ZNF536: variants seen among roughly 807,000 people sequenced by gnomAD.
The protein encoded by ZNF536 is zinc finger protein 536.
A neutral mutation model predicts 84.5 loss-of-function variants in ZNF536; 13 were observed. That is an observed-to-expected ratio of 0.15 (90% CI 0.10 to 0.24). The LOEUF (loss-of-function observed/expected upper bound fraction) is 0.24, where lower values mean the gene tolerates loss of function less well. ZNF536 is among the 10% of genes least tolerant of loss of function. ZNF536 has a pLI of 1.00. For synonymous variants in ZNF536, 811 were observed against 742.5 expected (o/e 1.09, Z -1.50); for missense variants, 1,536 against 1,747.5 (o/e 0.88, Z 2.16).
intron 2 of ZNF536, among the ~76,000 whole-genome samples, chr19:30,522,938 C>T (rs1249518977): frequency 6.6e-6 from 1 of 152,192 alleles, no homozygotes; most frequent in East Asian, 1.9e-4. Flanking sequence ...TAACGACCTG[C>T]CGCTTCATCT....
intron 2 of ZNF536, among the ~76,000 whole-genome samples, chr19:30,456,268 A>G (rs1208805371): frequency 1.3e-5 from 2 of 151,078 alleles, no homozygotes; most frequent in Non-Finnish European, 2.9e-5. Context: ...AAAATGGTTT[A>G]GCCAATCTCT....
intron 1 of ZNF536, among the ~76,000 whole-genome samples, chr19:30,267,326 G>A (rs2025566274): frequency 6.6e-6 from 1 of 152,120 alleles, no homozygotes; most frequent in South Asian, 2.1e-4. Flanking sequence ...GAAAATATAT[G>A]TAACAGTGTG....
intron 1 of ZNF536, among the ~76,000 whole-genome samples, chr19:30,277,813 C>T (rs1263621469): frequency 6.6e-6 from 1 of 152,214 alleles, no homozygotes; most frequent in African/African-American, 2.4e-5. Context: ...CTCTTTGAGA[C>T]ACATTGTGGC....
chr19:30,255,308 T>C (rs2024853250), intron 1 of ZNF536, among the ~76,000 whole-genome samples: 1 of 152,168 alleles, frequency 6.6e-6, no homozygotes, highest in African/African-American at 2.4e-5. Flanking sequence ...GCTTGGGCGC[T>C]AAAACCTGAC....
At chr19:30,402,300 C>A (rs1206541027) in intron 1 of ZNF536, among the ~76,000 whole-genome samples, 1 of 151,082 alleles carries the variant, frequency 6.6e-6, no homozygotes, top group African/African-American at 2.4e-5. Context: ...ATCTGTTATG[C>A]AAAATCATTA....
At chr19:30,527,442 A>G (rs1413252760) in intron 2 of ZNF536, among the ~76,000 whole-genome samples, 1 of 151,716 alleles carries the variant, frequency 6.6e-6, no homozygotes, top group African/African-American at 2.4e-5. Context: ...GTTGGTAATA[A>G]CCCACGAGCA....
chr19:30,469,710 G>A (rs948189769), intron 2 of ZNF536, among the ~76,000 whole-genome samples: 1 of 152,112 alleles, frequency 6.6e-6, no homozygotes, highest in Non-Finnish European at 1.5e-5. Flanking sequence ...CTCTGGGGAC[G>A]CTCAGCCTGG....
At chr19:30,394,563 C>T (rs1226336454) in intron 1 of ZNF536, among the ~76,000 whole-genome samples, 1 of 152,188 alleles carries the variant, frequency 6.6e-6, no homozygotes, top group Non-Finnish European at 1.5e-5. Flanking sequence ...GTCCCTTCCC[C>T]ATTCTATGCA....
chr19:30,344,675 C>T (rs1484494497), intron 2 of ZNF536, among the ~76,000 whole-genome samples: 1 of 90,152 alleles, frequency 1.1e-5, no homozygotes, highest in Admixed American at 1.2e-4. Flanking sequence ...GCAGGCAGGC[C>T]ATTTTTTTTT....
At chr19:30,373,797 G>A (rs558977448) in intron 1 of ZNF536, among the ~76,000 whole-genome samples, 1 of 152,332 alleles carries the variant, frequency 6.6e-6, no homozygotes, top group African/African-American at 2.4e-5. Context: ...AACTTAATCA[G>A]ATGCCGAGGA....
chr19:30,317,019 C>T (rs1212079294), intron 2 of ZNF536, among the ~76,000 whole-genome samples: 1 of 152,222 alleles, frequency 6.6e-6, no homozygotes, highest in Non-Finnish European at 1.5e-5. Flanking sequence ...TTGGCAAGGC[C>T]TCCCTTTGCT....
At chr19:30,632,400 G>C (rs1029563390) in intron 1 of ZNF536, among the ~76,000 whole-genome samples, 1 of 152,176 alleles carries the variant, frequency 6.6e-6, no homozygotes, top group African/African-American at 2.4e-5. Context: ...GAGGTCTGGA[G>C]TTCGAGATCA....
chr19:30,246,617 G>A (rs190162863), intron 1 of ZNF536, among the ~76,000 whole-genome samples: 313 of 152,244 alleles, frequency 2.1e-3, no homozygotes, highest in Non-Finnish European at 3.4e-3. Flanking sequence ...GAGGGTGGGC[G>A]GTTTGGGATG....
intron 2 of ZNF536, among the ~76,000 whole-genome samples, chr19:30,478,175 A>G (rs976775687): frequency 2.1e-5 from 3 of 142,416 alleles, no homozygotes; most frequent in South Asian, 4.5e-4. Context: ...TTTTTTTTCC[A>G]GGATAAAGTT....
At chr19:30,557,105 C>G (rs2146369195) in intron 4 of ZNF536, 52 bp from the exon 5 acceptor site, 2 of 1,610,508 alleles carry the variant, frequency 1.2e-6, no homozygotes, top group Non-Finnish European at 1.7e-6. Flanking sequence ...TCAAATGCCT[C>G]TAGCCCTGAT....
chr19:30,501,076 G>T (rs2054932176), intron 2 of ZNF536, among the ~76,000 whole-genome samples: 1 of 152,134 alleles, frequency 6.6e-6, no homozygotes, highest in Non-Finnish European at 1.5e-5. Flanking sequence ...TACAAAGTGG[G>T]TATCAGGGGC....
At chr19:30,309,200 C>T (rs1396628927) in intron 2 of ZNF536, among the ~76,000 whole-genome samples, 1 of 152,178 alleles carries the variant, frequency 6.6e-6, no homozygotes, top group Non-Finnish European at 1.5e-5. Flanking sequence ...GATATGTTTG[C>T]TTCATCTTTC....
chr19:30,404,700 CAGA>C (rs1445323501), intron 1 of ZNF536, among the ~76,000 whole-genome samples: 3 of 152,144 alleles, frequency 2.0e-5, no homozygotes, highest in African/African-American at 7.2e-5. Context: ...GTCATCAACA[CAGA>C]AGAAGACTTC....
At chr19:30,398,106 A>C (rs1240643550) in intron 1 of ZNF536, among the ~76,000 whole-genome samples, 1 of 152,214 alleles carries the variant, frequency 6.6e-6, no homozygotes, top group Non-Finnish European at 1.5e-5. Flanking sequence ...GTAGTGCTGC[A>C]TAATAGCAAA....
Sources: gnomAD v4.1 joint callset for allele counts (sites outside exome capture counted in the v4.1 genomes callset) on GRCh38, gnomAD v4.1.1 for gene constraint, MANE v1.5 for transcripts, NCBI Gene and HGNC (gene_info 2026-07-23, HGNC 2026-07-21) for gene names.